DPP10: variants seen among roughly 807,000 people sequenced by gnomAD.
DPP10 encodes the protein dipeptidyl peptidase like 10, also known as inactive dipeptidyl peptidase 10.
DPP10 carries 33 observed loss-of-function variants against 120.9 expected under a neutral mutation model. The ratio of observed to expected loss-of-function variants is 0.27; its 90% CI spans 0.21 to 0.37. The LOEUF (loss-of-function observed/expected upper bound fraction) is 0.37, where lower values mean the gene tolerates loss of function less well. Ranked by LOEUF, DPP10 falls within the 10% of genes least tolerant of loss-of-function variation. The pLI is 1.00. For missense variants in DPP10, 816 were observed against 942.8 expected (o/e 0.87, Z 1.76); for synonymous variants, 337 against 326.1 (o/e 1.03, Z -0.36).
At chr2:115,560,096 G>A (rs1010366328) in intron 5 of DPP10, among the ~76,000 whole-genome samples, 2 of 151,776 alleles carry the variant, frequency 1.3e-5, no homozygotes, top group African/African-American at 4.8e-5. Context: ...AGCCCACAGT[G>A]TGTTCATTAC....
chr2:115,422,147 T>C (rs537784974), intron 3 of DPP10, among the ~76,000 whole-genome samples: 54 of 152,260 alleles, frequency 3.5e-4, no homozygotes, highest in African/African-American at 1.3e-3. Context: ...CAAAGCTGTT[T>C]AATGAGTTCT....
chr2:114,976,150 G>C (rs1007638665), intron 1 of DPP10, among the ~76,000 whole-genome samples: 4 of 152,084 alleles, frequency 2.6e-5, no homozygotes, highest in African/African-American at 7.2e-5. Context: ...TTAAAATGTT[G>C]TAATCAATTT....
At position 115,218,377 on chromosome 2, in the gene DPP10, C is replaced by G. The variant is rs531131109; in HGVS notation, c.61-90862C>G. ...TTAATGAGTGTATTGCAAAAAAGTTCTGCCGGATCCTTATATTTTCTAGAA... is the reference window on the plus strand; with the variant it reads ...TTAATGAGTGTATTGCAAAAAAGTTGTGCCGGATCCTTATATTTTCTAGAA... On this transcript the variant is annotated intron_variant, in intron 1 of 25. Coordinates refer to ENST00000410059, the MANE Select transcript of DPP10 (RefSeq NM_020868.6). Among the ~76,000 whole-genome samples the G allele has an allele frequency of 3.3e-5, 5 of 152,232 alleles. No homozygotes were observed. In the East Asian group the frequency reaches 9.7e-4, roughly 29 times the overall value.
chr2:114,646,106 G>A (rs1275293850), intron 1 of DPP10, among the ~76,000 whole-genome samples: 2 of 151,876 alleles, frequency 1.3e-5, no homozygotes, highest in Non-Finnish European at 1.5e-5. Context: ...GTTGCAGTGA[G>A]CTGAGATTGT....
intron 5 of DPP10, among the ~76,000 whole-genome samples, chr2:115,592,570 TA>T (rs34141896): frequency 0.41 from 54,711 of 134,152 alleles, 10,587 homozygotes; most frequent in African/African-American, 0.52. Context: ...CCGTCTCTGC[TA>T]AAAAAAAACA....
chr2:115,384,576 G>C (rs1333320547), intron 3 of DPP10, among the ~76,000 whole-genome samples: 1 of 120,010 alleles, frequency 8.3e-6, no homozygotes, highest in Non-Finnish European at 1.7e-5. Flanking sequence ...AAGAAGAAGA[G>C]GAAGAGGAGG....
rs144086968 is a variant in DPP10, at chr2:114,726,100, G to A, written c.60+283262G>A. Among the ~76,000 whole-genome samples the A allele has an allele frequency of 7.3e-3, 1,111 of 152,188 alleles. 12 individuals are homozygous for A. Among genetic ancestry groups the A allele is most frequent in the African/African-American group, 0.025 (1,042 of 41,524 alleles). On this transcript the variant is annotated intron_variant, in intron 1 of 25. Transcript: ENST00000410059. ...ACAAAAAAAAATTTAGCTGGGCATA[G>A]TGGTGGGCGCCTGTAGTCCCAGCTA...
intron 2 of DPP10, among the ~76,000 whole-genome samples, chr2:115,334,436 A>G (rs2062996680): frequency 6.6e-6 from 1 of 151,210 alleles, no homozygotes; most frequent in Non-Finnish European, 1.5e-5. Flanking sequence ...GCTTCACAAT[A>G]CTAAGTGACA....
At chr2:115,314,371 G>A (rs867849341) in intron 2 of DPP10, among the ~76,000 whole-genome samples, 53 of 152,282 alleles carry the variant, frequency 3.5e-4, no homozygotes, top group Admixed American at 5.9e-4. Context: ...AAACGGGAAA[G>A]CACCAAAATG....
intron 1 of DPP10, among the ~76,000 whole-genome samples, chr2:114,851,131 CA>C (rs1454201554): frequency 1.3e-5 from 2 of 152,062 alleles, no homozygotes; most frequent in African/African-American, 4.8e-5. Context: ...AGTGAAAGAT[CA>C]AAAGCTAATT....
At chr2:114,777,903 G>A (rs1681905989) in intron 1 of DPP10, among the ~76,000 whole-genome samples, 1 of 152,040 alleles carries the variant, frequency 6.6e-6, no homozygotes, top group African/African-American at 2.4e-5. Context: ...TTTTATGACA[G>A]GTTCTGCTTA....
chr2:114,782,081 T>C (rs773671318), intron 1 of DPP10, among the ~76,000 whole-genome samples: 151 of 152,212 alleles, frequency 9.9e-4, no homozygotes, highest in Non-Finnish European at 1.9e-3. Context: ...TAAAGAATCA[T>C]GAGTCTTCAA....
intron 1 of DPP10, among the ~76,000 whole-genome samples, chr2:114,539,199 AT>A (rs1310014545): frequency 6.7e-6 from 1 of 148,620 alleles, no homozygotes; most frequent in Non-Finnish European, 1.5e-5. Context: ...TATAAATTAT[AT>A]TTATAATTAT....
intron 1 of DPP10, among the ~76,000 whole-genome samples, chr2:115,117,513 T>A (rs141287062): frequency 6.6e-6 from 1 of 152,096 alleles, no homozygotes; most frequent in Non-Finnish European, 1.5e-5. Flanking sequence ...GAGGATGAGT[T>A]GGTAGGAGCA....
intron 3 of DPP10, among the ~76,000 whole-genome samples, chr2:115,474,757 G>A (rs2074964770): frequency 6.6e-6 from 1 of 151,874 alleles, no homozygotes; most frequent in Admixed American, 6.6e-5. Flanking sequence ...CATTTAACAG[G>A]GAGGAATTCA....
intron 1 of DPP10, among the ~76,000 whole-genome samples, chr2:114,818,378 A>G (rs554274053): frequency 6.6e-6 from 1 of 152,300 alleles, no homozygotes; most frequent in South Asian, 2.1e-4. Context: ...TTATCAAATG[A>G]TGAATTCCAG....
chr2:115,642,367 G>A (rs922142556), intron 5 of DPP10, among the ~76,000 whole-genome samples: 6 of 152,034 alleles, frequency 3.9e-5, no homozygotes, highest in African/African-American at 1.2e-4. Context: ...CCACAAGGTG[G>A]GTGGGCTCAT....
At chr2:114,922,691 AT>A (rs1208675356) in intron 1 of DPP10, among the ~76,000 whole-genome samples, 3 of 151,826 alleles carry the variant, frequency 2.0e-5, no homozygotes, top group East Asian at 3.9e-4. Flanking sequence ...TACTTTCAAT[AT>A]TTTTTTTCAT....
intron 25 of DPP10, 22 bp from the exon 26 acceptor site, chr2:115,842,189 T>C (rs758865186): frequency 6.4e-7 from 1 of 1,556,052 alleles, no homozygotes; most frequent in Admixed American, 1.8e-5. Flanking sequence ...ATTTGAAATC[T>C]TCTTTCTCCT....
Sources: gnomAD v4.1 joint callset for allele counts (sites outside exome capture counted in the v4.1 genomes callset) on GRCh38, gnomAD v4.1.1 for gene constraint, MANE v1.5 for transcripts, NCBI Gene and HGNC (gene_info 2026-07-23, HGNC 2026-07-21) for gene names.